FOXN3: variants seen among roughly 807,000 people sequenced by gnomAD.
FOXN3 encodes the protein forkhead box protein N3.
A neutral mutation model predicts 38.4 loss-of-function variants in FOXN3; 7 were observed. The observed-to-expected ratio is 0.18, with a 90% CI of 0.10 to 0.34. The LOEUF (loss-of-function observed/expected upper bound fraction) is 0.34, where lower values mean the gene tolerates loss of function less well. Ranked by LOEUF, FOXN3 falls within the 10% of genes least tolerant of loss-of-function variation. The probability of loss-of-function intolerance (pLI) is 1.00; values close to 1 mark genes in which losing one functional copy is unlikely to be tolerated. For synonymous variants in FOXN3, 230 were observed against 242.2 expected (o/e 0.95, Z 0.47); for missense variants, 456 against 613.4 (o/e 0.74, Z 2.71).
At chr14:89,264,727 A>C (rs1203985206) in intron 4 of FOXN3, among the ~76,000 whole-genome samples, 2 of 152,216 alleles carry the variant, frequency 1.3e-5, no homozygotes, top group East Asian at 3.9e-4. Flanking sequence ...GACGCTACTC[A>C]GTTTCCACAA....
intron 4 of FOXN3, among the ~76,000 whole-genome samples, chr14:89,245,461 C>G (rs1490643057): frequency 7.6e-6 from 1 of 130,996 alleles, no homozygotes; most frequent in Non-Finnish European, 1.6e-5. Context: ...TTAGGTGCTT[C>G]AAAAAGGCAT....
At chr14:89,540,623 C>T (rs1267614547) in intron 1 of FOXN3, among the ~76,000 whole-genome samples, 1 of 151,752 alleles carries the variant, frequency 6.6e-6, no homozygotes, top group East Asian at 1.9e-4. Flanking sequence ...CCTGTGGTCC[C>T]AGCTACTTGG....
intron 2 of FOXN3, among the ~76,000 whole-genome samples, chr14:89,357,413 C>A (rs1057307298): frequency 6.6e-6 from 1 of 152,130 alleles, no homozygotes; most frequent in African/African-American, 2.4e-5. Flanking sequence ...TCAAGACCAG[C>A]CTGGCCAACA....
At chr14:89,524,141 G>A (rs1354770829) in intron 1 of FOXN3, among the ~76,000 whole-genome samples, 19 of 147,420 alleles carry the variant, frequency 1.3e-4, no homozygotes, top group Admixed American at 5.4e-4. Context: ...TTGGGAGGCC[G>A]AGGCGGGTGG....
chr14:89,457,470 T>C (rs796885238), intron 1 of FOXN3, among the ~76,000 whole-genome samples: 17 of 152,302 alleles, frequency 1.1e-4, no homozygotes, highest in African/African-American at 4.1e-4. Context: ...CCACCACTCT[T>C]ACCGTATGAC....
intron 1 of FOXN3, among the ~76,000 whole-genome samples, chr14:89,525,778 C>A (rs955459960): frequency 6.6e-6 from 1 of 152,060 alleles, no homozygotes; most frequent in Non-Finnish European, 1.5e-5. Context: ...TTCTATGAGT[C>A]CAGGATCGCA....
chr14:89,615,254 C>T (rs1896474244), intron 1 of FOXN3, among the ~76,000 whole-genome samples: 1 of 150,104 alleles, frequency 6.7e-6, no homozygotes, highest in Admixed American at 6.7e-5. Context: ...AATCCAAAAT[C>T]GACACTGGCA....
At chr14:89,268,633 T>C (rs928952542) in intron 4 of FOXN3, among the ~76,000 whole-genome samples, 2 of 152,176 alleles carry the variant, frequency 1.3e-5, no homozygotes, top group African/African-American at 4.8e-5. Flanking sequence ...CCCCAGCAGA[T>C]TCCATGTGCA....
At chr14:89,289,757 C>T (rs1886805854) in intron 3 of FOXN3, among the ~76,000 whole-genome samples, 1 of 152,140 alleles carries the variant, frequency 6.6e-6, no homozygotes, top group Non-Finnish European at 1.5e-5. Context: ...CAAAGGTGAA[C>T]ATGTGCTCAC....
At chr14:89,202,375 G>A (rs993001476) in intron 4 of FOXN3, among the ~76,000 whole-genome samples, 3 of 152,128 alleles carry the variant, frequency 2.0e-5, no homozygotes, top group South Asian at 2.1e-4. Context: ...TCACACACCC[G>A]GTCCCACTAT....
At chr14:89,552,645 GGTTGGGAGTTT>G (rs145245673) in intron 1 of FOXN3, among the ~76,000 whole-genome samples, 5,208 of 152,252 alleles carry the variant, frequency 0.034, 285 homozygotes, top group African/African-American at 0.12. Context: ...GATCACCTGA[GGTTGGGAGTTT>G]GAGACCAGCC....
chr14:89,260,762 G>A (rs2139891252), intron 4 of FOXN3, among the ~76,000 whole-genome samples: 1 of 152,306 alleles, frequency 6.6e-6, no homozygotes, highest in South Asian at 2.1e-4. Flanking sequence ...CCATTTGTAT[G>A]TTTGCATGCG....
intron 4 of FOXN3, among the ~76,000 whole-genome samples, chr14:89,206,059 A>C (rs1348083415): frequency 1.3e-5 from 2 of 152,242 alleles, no homozygotes; most frequent in African/African-American, 2.4e-5. Flanking sequence ...GCAAGCTGGC[A>C]TCAGACGCGG....
chr14:89,489,849 C>A (rs2139772501), intron 1 of FOXN3, among the ~76,000 whole-genome samples: 1 of 152,298 alleles, frequency 6.6e-6, no homozygotes, highest in East Asian at 1.9e-4. Flanking sequence ...GCAAGCCTTA[C>A]ACACACGCGC....
At chr14:89,511,259 C>T (rs1279846753) in intron 1 of FOXN3, among the ~76,000 whole-genome samples, 1 of 31,858 alleles carries the variant, frequency 3.1e-5, no homozygotes, top group Admixed American at 4.5e-4. Flanking sequence ...TTCTTTCTTT[C>T]TTTCTTTCTT....
intron 1 of FOXN3, among the ~76,000 whole-genome samples, chr14:89,543,679 A>G (rs1840909573): frequency 2.6e-5 from 4 of 152,234 alleles, no homozygotes; most frequent in Admixed American, 2.0e-4. Context: ...TCCATCACTT[A>G]CAACTAACTT....
intron 5 of FOXN3, among the ~76,000 whole-genome samples, chr14:89,176,073 A>T (rs1341359108): frequency 1.3e-5 from 2 of 152,206 alleles, no homozygotes; most frequent in Non-Finnish European, 2.9e-5. Flanking sequence ...TATTTTGAGG[A>T]TGATGTGTCT....
At chr14:89,213,152 C>A (rs1184943718) in intron 4 of FOXN3, among the ~76,000 whole-genome samples, 1 of 152,196 alleles carries the variant, frequency 6.6e-6, no homozygotes, top group Admixed American at 6.5e-5. Context: ...TGACCACACA[C>A]CTGCTGCCCA....
At chr14:89,413,459 C>G (rs570014676) in intron 1 of FOXN3, among the ~76,000 whole-genome samples, 1 of 152,028 alleles carries the variant, frequency 6.6e-6, no homozygotes, top group Non-Finnish European at 1.5e-5. Flanking sequence ...CATGGCGAAA[C>G]CCCATCTCTA....
Sources: allele counts gnomAD v4.1 joint callset (sites outside exome capture counted in the v4.1 genomes callset), GRCh38; gene constraint gnomAD v4.1.1; transcripts MANE v1.5; gene names NCBI Gene and HGNC (gene_info 2026-07-23, HGNC 2026-07-21).